NEIL2: variants seen among roughly 807,000 people sequenced by gnomAD.
The protein encoded by NEIL2 is endonuclease 8-like 2.
In NEIL2, 23 loss-of-function variants were observed where a neutral mutation model predicts 22.2. That is an observed-to-expected ratio of 1.04 (90% confidence interval 0.75 to 1.47). The LOEUF (loss-of-function observed/expected upper bound fraction) is 1.47. Among genes scored for constraint, NEIL2 ranks in the 40% most tolerant of loss-of-function variants. NEIL2 has a pLI of 0.00. For synonymous variants in NEIL2, 229 were observed against 164.8 expected (o/e 1.39, Z -2.99); for missense variants, 583 against 404.7 (o/e 1.44, Z -3.78).
intron 3 of NEIL2, chr8:11,782,964 TGTG>T (rs1249930072): frequency 1.4e-5 from 8 of 591,538 alleles, no homozygotes; most frequent in South Asian, 5.6e-5. Flanking sequence ...CTGACTATGT[TGTG>T]GTAATGATGT....
At chr8:11,776,130 A>G (rs1043197524) in intron 2 of NEIL2, among the ~76,000 whole-genome samples, 1 of 152,256 alleles carries the variant, frequency 6.6e-6, no homozygotes, top group African/African-American at 2.4e-5. Context: ...TAGTGGACTC[A>G]CAATTCCACA....
rs539702886 is a variant in NEIL2 at position 11,776,464 on chromosome 8, T to C, written c.139-3134T>C. Among the ~76,000 whole-genome samples the C allele has an allele frequency of 2.0e-5, 3 of 152,384 alleles. No homozygotes were observed. In the South Asian group the frequency reaches 6.2e-4, roughly 32 times the overall value. On this transcript the variant is annotated intron_variant, in intron 2 of 4. Coordinates refer to ENST00000284503, the MANE Select transcript of NEIL2 (RefSeq NM_145043.4). Reference sequence around the variant, plus strand: ...CATCAGTTGTTGGACACTCGGATTGTTTCAACTCTTTGACTTCTATGGATA... The same window carrying C: ...CATCAGTTGTTGGACACTCGGATTGCTTCAACTCTTTGACTTCTATGGATA...
chr8:11,778,778 G>T (rs994910381), intron 2 of NEIL2, among the ~76,000 whole-genome samples: 1 of 151,784 alleles, frequency 6.6e-6, no homozygotes, highest in African/African-American at 2.4e-5. Flanking sequence ...GTGGTGAGAC[G>T]TGGTCTCTGC....
At chr8:11,777,629 C>T (rs771895283) in intron 2 of NEIL2, among the ~76,000 whole-genome samples, 1 of 152,146 alleles carries the variant, frequency 6.6e-6, no homozygotes, top group Admixed American at 6.5e-5. Flanking sequence ...TGGAATTATA[C>T]AGTATTTGGA....
rs1053116602 is a variant in NEIL2, at chr8:11,771,736, C to G, written c.138+151C>G. 1.2e-5 allele frequency: 9 copies of G among 728,488 alleles called. No individual in the cohort carries two copies. In the East Asian group the frequency reaches 2.1e-4, roughly 17 times the overall value. The allele number at this position is 728,488 out of a possible 1,614,324, so 45.1% of individuals were successfully genotyped here. On this transcript the variant is annotated intron_variant, in intron 2 of 4. Coordinates refer to ENST00000284503, the MANE Select transcript of NEIL2 (RefSeq NM_145043.4). The stretch of plus-strand genomic sequence containing the variant: ...AGCTCCCTCTTTCAGTCTCACGTGT[C>G]TCAGCCAGAAGTAGATATCGCTGTG...
At chr8:11,779,460 G>T (rs1804199335) in intron 2 of NEIL2, 138 bp from the exon 3 acceptor site, 1 of 761,406 alleles carries the variant, frequency 1.3e-6, no homozygotes, top group Non-Finnish European at 2.3e-6. Flanking sequence ...AGAGCAAAAG[G>T]CAGAGTCCAA....
intron 4 of NEIL2, among the ~76,000 whole-genome samples, chr8:11,783,814 G>C (rs1804657618): frequency 6.6e-6 from 1 of 152,184 alleles, no homozygotes; most frequent in Non-Finnish European, 1.5e-5. Flanking sequence ...GTGTTCTAAG[G>C]GATGCTGCTC....
At chr8:11,771,763 A>T (rs111977484) in intron 2 of NEIL2, among the ~76,000 whole-genome samples, 178 bp downstream of exon 2, 4 of 152,120 alleles carry the variant, frequency 2.6e-5, no homozygotes, top group Non-Finnish European at 5.9e-5. Context: ...ATCGCTGTGG[A>T]CTGTAGAACT....
chr8:11,779,683 A>C lies in NEIL2; in HGVS notation c.224A>C (p.Gln75Pro). 1 of 1,613,990 alleles carries C rather than the reference A, an allele frequency of 6.2e-7. No individual in the cohort carries two copies. The highest frequency in any genetic ancestry group is 1.1e-5 in the South Asian group (1 of 91,086). The change falls in exon 3 of 5, where the codon CAA becomes CCA. Residue 75 changes from glutamine (Q) to proline (P), a missense_variant. Transcript: ENST00000284503. ...PGSSPTPEPP[Q>P]KEVQKEGAAD... Reference sequence around the variant, plus strand: ...AGCAGCCCAACACCAGAGCCTCCACAAAAAGAAGTGCAGAAGGAAGGGGCT... The same window carrying C: ...AGCAGCCCAACACCAGAGCCTCCACCAAAAGAAGTGCAGAAGGAAGGGGCT...
At chr8:11,775,174 C>T (rs1803799795) in intron 2 of NEIL2, among the ~76,000 whole-genome samples, 1 of 152,266 alleles carries the variant, frequency 6.6e-6, no homozygotes, top group African/African-American at 2.4e-5. Context: ...GCCCCTGCAG[C>T]ACACCTCTGC....
chr8:11,779,922 A>AG lies in NEIL2; in HGVS notation c.469dup (p.Asp157GlyfsTer23). On this transcript the variant is annotated frameshift_variant, in exon 3 of 5. Coordinates refer to ENST00000284503, the MANE Select transcript of NEIL2 (RefSeq NM_145043.4). LOFTEE classifies it high-confidence loss of function. ...CTCCAGAGCCAAGAAAGCCAACAAG[A>AG]GGGGGGACTGGAGGGACCCTTCCCC... 6.2e-7 allele frequency: 1 copy of AG among 1,614,066 alleles called. No individual in the cohort carries two copies. Among genetic ancestry groups the AG allele is most frequent in the Non-Finnish European group, 8.5e-7 (1 of 1,179,982 alleles).
intron 2 of NEIL2, among the ~76,000 whole-genome samples, chr8:11,774,800 G>C (rs1237439332): frequency 6.6e-6 from 1 of 152,236 alleles, no homozygotes; most frequent in East Asian, 1.9e-4. Context: ...CCCCATGCAA[G>C]TCTGAAATCC....
chr8:11,785,548 G>A (rs909990309), intron 4 of NEIL2, among the ~76,000 whole-genome samples: 1 of 152,216 alleles, frequency 6.6e-6, no homozygotes, highest in African/African-American at 2.4e-5. Context: ...CAGCCACTGT[G>A]CTCAGCGTCT....
intron 2 of NEIL2, among the ~76,000 whole-genome samples, chr8:11,777,146 C>T (rs922356415): frequency 1.3e-5 from 2 of 149,776 alleles, no homozygotes; most frequent in Non-Finnish European, 3.0e-5. Flanking sequence ...TCTGCTTCTA[C>T]CCACACTTTT....
At chr8:11,780,096 C>T in intron 3 of NEIL2, 146 bp downstream of exon 3, 1 of 641,980 alleles carries the variant, frequency 1.6e-6, no homozygotes. Flanking sequence ...GAGGCCACCT[C>T]TGTATCTACC....
intron 3 of NEIL2, 121 bp downstream of exon 3, chr8:11,780,071 G>T: frequency 1.2e-6 from 1 of 809,706 alleles, no homozygotes; most frequent in Admixed American, 2.3e-5. Flanking sequence ...CCAGGGCCCT[G>T]CTGTCTTGGG....
chr8:11,775,367 G>T (rs986907995), intron 2 of NEIL2, among the ~76,000 whole-genome samples: 1 of 152,170 alleles, frequency 6.6e-6, no homozygotes, highest in Non-Finnish European at 1.5e-5. Flanking sequence ...TGGCTGGAGG[G>T]GCTAGGACAC....
Position 11,786,870 on chromosome 8 carries a change from A to C in NEIL2, c.*597A>C. On this transcript the variant is annotated 3_prime_UTR_variant, in exon 5 of 5. Coordinates refer to ENST00000284503, the MANE Select transcript of NEIL2 (RefSeq NM_145043.4). ...TGCCAGGCTGGTTTGAACTCCTACAACTCAAGCATTCCTCCCACCTTGGTC... is the reference window on the plus strand; with the variant it reads ...TGCCAGGCTGGTTTGAACTCCTACACCTCAAGCATTCCTCCCACCTTGGTC... The C allele has an allele frequency of 6.5e-6, 1 of 154,510 alleles. No individual in the cohort carries two copies. The allele number at this position is 154,510 out of a possible 1,614,324, so 9.6% of individuals were successfully genotyped here. A position where few individuals can be genotyped will look rare whatever the true frequency, so the allele number is the denominator to read the frequency against.
At chr8:11,773,066 A>C (rs192613584) in intron 2 of NEIL2, among the ~76,000 whole-genome samples, 1 of 152,280 alleles carries the variant, frequency 6.6e-6, no homozygotes, top group Admixed American at 6.5e-5. Context: ...GGTGGCTGGC[A>C]AGGAACAGGT....
Sources: allele counts gnomAD v4.1 joint callset (sites outside exome capture counted in the v4.1 genomes callset), GRCh38; gene constraint gnomAD v4.1.1; transcripts MANE v1.5; gene names NCBI Gene and HGNC (gene_info 2026-07-23, HGNC 2026-07-21).